SGMS1: variants seen among roughly 807,000 people sequenced by gnomAD.
SGMS1 encodes the protein phosphatidylcholine:ceramide cholinephosphotransferase 1.
Under a neutral mutation model 46.2 loss-of-function variants are expected in SGMS1, and 13 were observed. The observed-to-expected ratio is 0.28, with a 90% CI of 0.18 to 0.45. The LOEUF (loss-of-function observed/expected upper bound fraction) is 0.45. Ranked by LOEUF, SGMS1 falls within the 20% of genes least tolerant of loss-of-function variation. The probability of loss-of-function intolerance (pLI) is 1.00; values close to 1 mark genes in which losing one functional copy is unlikely to be tolerated. For missense variants in SGMS1, 324 were observed against 519.9 expected (o/e 0.62, Z 3.66); for synonymous variants, 203 against 187.8 (o/e 1.08, Z -0.66).
intron 8 of SGMS1, among the ~76,000 whole-genome samples, chr10:50,312,979 A>C (rs1279114704): frequency 1.3e-5 from 2 of 152,204 alleles, no homozygotes; most frequent in African/African-American, 2.4e-5. Flanking sequence ...GGAGTTTCAT[A>C]ACTTGGGGGT....
At chr10:50,332,361 G>A (rs1397048494) in intron 7 of SGMS1, among the ~76,000 whole-genome samples, 1 of 152,098 alleles carries the variant, frequency 6.6e-6, no homozygotes, top group Non-Finnish European at 1.5e-5. Context: ...ATCTCTCAGA[G>A]AGGTCCCCTA....
At chr10:50,333,366 C>T (rs769134149) in intron 7 of SGMS1, among the ~76,000 whole-genome samples, 15 of 152,096 alleles carry the variant, frequency 9.9e-5, no homozygotes, top group Non-Finnish European at 2.1e-4. Context: ...TTGCTTAAAC[C>T]CTTTTATGTA....
At position 50,442,359 on chromosome 10, in the gene SGMS1, T is replaced by A. The variant is rs1203396; in HGVS notation, c.-312-8803A>T. ...TCCCCCACCGCCCCCCTCTGACAGG[T>A]CCCAGTGTGTGTTGTTCACCTCTAT... On this transcript the variant is annotated intron_variant, in intron 5 of 10. Transcript: ENST00000361781. Among the ~76,000 whole-genome samples the A allele has an allele frequency of 1.5e-4, 23 of 151,328 alleles. 1 individual carries two copies. Among genetic ancestry groups the A allele is most frequent in the Admixed American group, 1.1e-3 (16 of 15,224 alleles).
intron 7 of SGMS1, among the ~76,000 whole-genome samples, chr10:50,337,173 A>G (rs77588846): frequency 1.3e-5 from 2 of 152,224 alleles, no homozygotes; most frequent in African/African-American, 4.8e-5. Flanking sequence ...TGGAGTTTAG[A>G]CAACACATTT....
At chr10:50,526,019 C>T (rs1837897991) in intron 2 of SGMS1, among the ~76,000 whole-genome samples, 1 of 152,170 alleles carries the variant, frequency 6.6e-6, no homozygotes, top group Non-Finnish European at 1.5e-5. Context: ...GAGTGCTTCG[C>T]TACAGGCCAA....
At chr10:50,461,451 T>C (rs1159201779) in intron 4 of SGMS1, among the ~76,000 whole-genome samples, 1 of 152,168 alleles carries the variant, frequency 6.6e-6, no homozygotes, top group Non-Finnish European at 1.5e-5. Context: ...TGTGAAAGAA[T>C]ATAGAATCTA....
chr10:50,396,609 A>C (rs1848850982), intron 6 of SGMS1, among the ~76,000 whole-genome samples: 1 of 152,166 alleles, frequency 6.6e-6, no homozygotes, highest in South Asian at 2.1e-4. Context: ...TTTCCAAGCC[A>C]GTTTCCCTGT....
At chr10:50,615,227 T>C (rs1000205937) in intron 1 of SGMS1, among the ~76,000 whole-genome samples, 26 of 152,124 alleles carry the variant, frequency 1.7e-4, no homozygotes, top group African/African-American at 6.3e-4. Flanking sequence ...TTCTATAAAT[T>C]TGTACAGCCT....
At chr10:50,398,908 C>T (rs186794434) in intron 6 of SGMS1, among the ~76,000 whole-genome samples, 2 of 151,860 alleles carry the variant, frequency 1.3e-5, no homozygotes, top group African/African-American at 4.8e-5. Context: ...AGAAATACTA[C>T]TTATGGATAT....
At chr10:50,552,898 C>T (rs77657518) in intron 2 of SGMS1, among the ~76,000 whole-genome samples, 1 of 152,058 alleles carries the variant, frequency 6.6e-6, no homozygotes, top group Non-Finnish European at 1.5e-5. Context: ...AGTGTGAACA[C>T]CAGAGCAAAG....
At chr10:50,624,981 C>T, upstream of SGMS1, 1 of 1,038,740 alleles carries the variant, frequency 9.6e-7, no homozygotes, top group Non-Finnish European at 1.2e-6. Flanking sequence ...GCCGCGGGCG[C>T]TCGGAACCGA....
At position 50,382,963 on chromosome 10, in the gene SGMS1, A is replaced by C. The variant is rs149088220; in HGVS notation, c.-231-38618T>G. 4.8e-3 allele frequency among the ~76,000 whole-genome samples: 725 copies of C among 152,338 alleles called. 6 individuals carry two copies. The highest frequency in any genetic ancestry group is 7.0e-3 in the Non-Finnish European group (477 of 68,022). On this transcript the variant is annotated intron_variant, in intron 6 of 10. Transcript: ENST00000361781. Reference sequence around the variant, plus strand: ...ATGTAAATCAAAATAACAAAGGTCAAAGTTTGTAAAGTCTTTAGAAGGAAG... The same window carrying C: ...ATGTAAATCAAAATAACAAAGGTCACAGTTTGTAAAGTCTTTAGAAGGAAG...
At chr10:50,523,246 G>A (rs2133792020) in intron 2 of SGMS1, among the ~76,000 whole-genome samples, 1 of 152,318 alleles carries the variant, frequency 6.6e-6, no homozygotes, top group Middle Eastern at 3.4e-3. Context: ...AATAGTAAAT[G>A]ATGATTGAGG....
Position 50,542,383 on chromosome 10 carries a change from T to C in SGMS1, c.-588-22462A>G, listed in dbSNP as rs927433765. ...CTGTTTTGAAGTGTTGCCACTCATA[T>C]TATTCTTAGACATTTGTTTAAGAAC... On this transcript the variant is annotated intron_variant, in intron 2 of 10. Coordinates refer to ENST00000361781, the MANE Select transcript of SGMS1 (RefSeq NM_147156.4). Among the ~76,000 whole-genome samples the C allele has an allele frequency of 1.2e-4, 19 of 152,300 alleles. No individual in the cohort carries two copies. In the Middle Eastern group the frequency reaches 0.01, roughly 82 times the overall value.
intron 2 of SGMS1, among the ~76,000 whole-genome samples, chr10:50,556,180 T>G (rs1838187970): frequency 6.6e-6 from 1 of 152,248 alleles, no homozygotes; most frequent in Admixed American, 6.5e-5. Context: ...GTCTCCTAGC[T>G]GTTCCATACA....
At chr10:50,389,381 GT>G (rs1564898812) in intron 6 of SGMS1, among the ~76,000 whole-genome samples, 1 of 152,182 alleles carries the variant, frequency 6.6e-6, no homozygotes, top group Non-Finnish European at 1.5e-5. Flanking sequence ...TATTTAGCAA[GT>G]TACCTCATAC....
intron 5 of SGMS1, among the ~76,000 whole-genome samples, chr10:50,453,766 G>A (rs1449109275): frequency 2.3e-5 from 3 of 128,708 alleles, no homozygotes; most frequent in Non-Finnish European, 4.9e-5. Flanking sequence ...AGGAAGGAAG[G>A]AAGGAAGGGA....
At chr10:50,598,858 G>T (rs1190542790) in intron 1 of SGMS1, among the ~76,000 whole-genome samples, 1 of 152,004 alleles carries the variant, frequency 6.6e-6, no homozygotes, top group African/African-American at 2.4e-5. Context: ...TTTTTCAAAA[G>T]CTATTGAGTC....
intron 3 of SGMS1, among the ~76,000 whole-genome samples, chr10:50,482,937 A>C (rs919459139): frequency 3.9e-5 from 6 of 152,254 alleles, no homozygotes; most frequent in Non-Finnish European, 8.8e-5. Context: ...GCTTCAAACC[A>C]ACAAAGATCA....
Sources: gnomAD v4.1 joint callset for allele counts (sites outside exome capture counted in the v4.1 genomes callset) on GRCh38, gnomAD v4.1.1 for gene constraint, MANE v1.5 for transcripts, NCBI Gene and HGNC (gene_info 2026-07-23, HGNC 2026-07-21) for gene names.